C16orf46: variants seen among roughly 807,000 people sequenced by gnomAD.
The protein encoded by C16orf46 is chromosome 16 open reading frame 46.
Under a neutral mutation model 5.5 loss-of-function variants are expected in C16orf46, and 7 were observed. That is an observed-to-expected ratio of 1.28 (90% CI 0.73 to 2.40). C16orf46 has a LOEUF of 2.40. Among genes scored for constraint, C16orf46 ranks in the 30% most tolerant of loss-of-function variants. The pLI is 0.00. For synonymous variants in C16orf46, 200 were observed against 184.1 expected, an observed-to-expected ratio of 1.09 and a Z score of -0.70; for missense variants, 614 against 476.0, an observed-to-expected ratio of 1.29 and a Z score of -2.70.
At position 81,068,109 on chromosome 16, in the gene C16orf46, G is replaced by A. The variant is rs1032098894; in HGVS notation, c.-127-1828C>T. 4.6e-5 allele frequency among the ~76,000 whole-genome samples: 7 copies of A among 152,188 alleles called. No individual in the cohort carries two copies. In the South Asian group the frequency reaches 1.2e-3, roughly 27 times the overall value. On this transcript the variant is annotated intron_variant, in intron 1 of 3. Transcript: ENST00000299578. ...ATTTGGATCTGTGACACTATATTGA[G>A]ATCATGTAATTTGTTAATGAACTGA... is the stretch of plus-strand genomic sequence containing the variant.
intron 1 of C16orf46, among the ~76,000 whole-genome samples, chr16:81,073,802 G>C (rs911579840): frequency 6.6e-6 from 1 of 152,126 alleles, no homozygotes. Flanking sequence ...AAAAGACCCT[G>C]GTTTACAGTG....
chr16:81,059,841 A>G (rs187071349), downstream of C16orf46, among the ~76,000 whole-genome samples: 12 of 148,242 alleles, frequency 8.1e-5, no homozygotes, highest in East Asian at 4.0e-4. Context: ...CAGGCTGGAG[A>G]GCAGTGGCAC....
chr16:81,062,000 G>C lies in C16orf46; in HGVS notation c.349C>G (p.Pro117Ala). ...NLSHWSLQTK[P>A]PTEGGPEKDQ... Reference sequence around the variant, plus strand: ...TTCTCTGGGCCCCCCTCAGTAGGAGGCTTGGTCTGGAGGCTCCAGTGGGAG... The same window carrying C: ...TTCTCTGGGCCCCCCTCAGTAGGAGCCTTGGTCTGGAGGCTCCAGTGGGAG... Residue 117 changes from proline (P) to alanine (A), a missense_variant, in exon 4 of 4, where the codon CCT (proline) becomes GCT (alanine). Pro to Ala is a conservative substitution (Grantham distance 27). Coordinates refer to ENST00000299578, the MANE Select transcript of C16orf46 (RefSeq NM_152337.3). 2 of 1,614,110 alleles carry C rather than the reference G, an allele frequency of 1.2e-6. No individual in the cohort carries two copies. The highest frequency in any genetic ancestry group is 1.7e-6 in the Non-Finnish European group (2 of 1,180,034).
chr16:81,061,556 T>C lies in C16orf46; in HGVS notation c.793A>G (p.Arg265Gly). 2.5e-6 allele frequency: 4 copies of C among 1,614,190 alleles called. No homozygotes were observed. Among genetic ancestry groups the C allele is most frequent in the Non-Finnish European group, 3.4e-6 (4 of 1,180,026 alleles). Residue 265 changes from arginine to glycine, a missense_variant, in exon 4 of 4, where the codon AGA becomes GGA. Transcript: ENST00000299578. ...GGGTGTTTGGCCAGCTCACTGGCTCTTTTTTCACCTTTCCCATCTGCTGTT... is the reference window on the plus strand; with the variant it reads ...GGGTGTTTGGCCAGCTCACTGGCTCCTTTTTCACCTTTCCCATCTGCTGTT... ...LKTADGKGEK[R>G]ASELAKHPMV... is the part of the protein sequence containing the mutation.
intron 2 of C16orf46, among the ~76,000 whole-genome samples, chr16:81,065,215 G>C (rs1172176355): frequency 6.6e-6 from 1 of 152,174 alleles, no homozygotes; most frequent in Non-Finnish European, 1.5e-5. Flanking sequence ...GCTCACGCCT[G>C]TAATCCCAGT....
In C16orf46 at chr16:81,054,101, C is replaced by T. The variant is rs201932475; in HGVS notation, c.1144-7G>A. On this transcript the variant is annotated splice_region_variant and splice_polypyrimidine_tract_variant and intron_variant, in intron 3 of 3. Transcript: ENST00000378611. ...TTATCTTCTTTTTCCTGTGCTGTAA[C>T]GAGAAATTTAATGACTTCAGAAAAT... is the stretch of plus-strand genomic sequence containing the variant. The T allele has an allele frequency of 1.1e-4, 176 of 1,611,962 alleles. 2 individuals are homozygous for T. The South Asian group carries it at 1.2e-3, about 11-fold the overall frequency.
chr16:81,061,243 G>C lies in C16orf46; in HGVS notation c.1106C>G (p.Thr369Ser), dbSNP rs568051084. 4 of 1,614,086 alleles carry C rather than the reference G, an allele frequency of 2.5e-6. No individual in the cohort carries two copies. Among genetic ancestry groups the C allele is most frequent in the Non-Finnish European group, 2.5e-6 (3 of 1,180,028 alleles). Residue 369 changes from threonine (T) to serine (S), a missense_variant, in exon 4 of 4, where the codon ACC (threonine) becomes AGC (serine). By Grantham distance (58) the Thr-to-Ser change is moderately conservative. Transcript: ENST00000299578. ...CAAGACAGGTCTTGGGAAAACTTTG[G>C]TCTCCAGCATTTGGGGCCTGTTTTC... Reference protein sequence around the residue: ...KQENRPQMLETKVFPRPVLPS... With the variant: ...KQENRPQMLESKVFPRPVLPS...
downstream of C16orf46, among the ~76,000 whole-genome samples, chr16:81,056,766 G>C (rs1971308555): frequency 6.6e-6 from 1 of 151,506 alleles, no homozygotes; most frequent in South Asian, 2.1e-4. Context: ...GACCTAGGCA[G>C]GTGCCACCAT....
At chr16:81,064,657 G>C (rs913884831) in intron 2 of C16orf46, among the ~76,000 whole-genome samples, 2 of 151,032 alleles carry the variant, frequency 1.3e-5, no homozygotes, top group African/African-American at 4.9e-5. Flanking sequence ...TGAGGCAGGA[G>C]AATCACTTGA....
At chr16:81,063,647 C>T in intron 3 of C16orf46, 99 bp downstream of exon 3, 1 of 991,346 alleles carries the variant, frequency 1.0e-6, no homozygotes, top group Non-Finnish European at 1.5e-6. Context: ...ATTGATTCCA[C>T]ATTTTTTGGT....
At chr16:81,064,824 A>G (rs1339092847) in intron 2 of C16orf46, among the ~76,000 whole-genome samples, 1 of 152,124 alleles carries the variant, frequency 6.6e-6, no homozygotes, top group Admixed American at 6.5e-5. Flanking sequence ...AGCAGCCTGG[A>G]ACAGAGCCTC....
At chr16:81,074,877 T>C (rs1473097952) in intron 1 of C16orf46, among the ~76,000 whole-genome samples, 1 of 152,212 alleles carries the variant, frequency 6.6e-6, no homozygotes, top group Non-Finnish European at 1.5e-5. Flanking sequence ...TTGTAAAATT[T>C]CCCCTTTTGT....
downstream of C16orf46, chr16:81,057,922 CAG>C (rs1213504481): frequency 6.4e-6 from 1 of 155,570 alleles, no homozygotes; most frequent in African/African-American, 2.4e-5. Flanking sequence ...CCCAGCTACT[CAG>C]GGGGCTGAGG....
chr16:81,067,737 G>A (rs1207692084), intron 1 of C16orf46, among the ~76,000 whole-genome samples: 1 of 152,066 alleles, frequency 6.6e-6, no homozygotes, highest in African/African-American at 2.4e-5. Context: ...ATTTTTAGTA[G>A]AAACGGAGTT....
chr16:81,061,787 TC>T lies in C16orf46; in HGVS notation c.561del (p.Asn188IlefsTer16). ...IPGTNRGKAS[G>X]NPSGGAHRGL... ...CCTCTGTGGGCCCCTCCACTGGGAT[TC>T]CCAGAGGCCTTGCCCCTATTAGTGC... On this transcript the variant is annotated frameshift_variant, in exon 4 of 4. Coordinates refer to ENST00000299578, the MANE Select transcript of C16orf46 (RefSeq NM_152337.3). LOFTEE classifies it low-confidence loss of function (END_TRUNC). 1 of 1,613,950 alleles carries T rather than the reference TC, an allele frequency of 6.2e-7. No homozygotes were observed. Among genetic ancestry groups the T allele is most frequent in the African/African-American group, 1.3e-5 (1 of 75,050 alleles).
downstream of C16orf46, chr16:81,056,340 A>G (rs951254375): frequency 8.5e-5 from 13 of 152,194 alleles, no homozygotes; most frequent in Admixed American, 8.5e-4. Context: ...GAGAATGCCC[A>G]CAACTCTTCC....
chr16:81,063,130 C>A (rs1483130024), intron 3 of C16orf46, among the ~76,000 whole-genome samples: 2 of 151,448 alleles, frequency 1.3e-5, no homozygotes, highest in East Asian at 3.9e-4. Context: ...ATAATCCCAG[C>A]TACTCAGGAG....
In C16orf46 at chr16:81,062,819, T is replaced by C. The variant is rs889071635; in HGVS notation, c.211-681A>G. Among the ~76,000 whole-genome samples the C allele has an allele frequency of 3.9e-5, 6 of 152,202 alleles. No homozygotes were observed. In the East Asian group the frequency reaches 1.2e-3, roughly 29 times the overall value. Reference sequence around the variant, plus strand: ...CATACTTATACTGATAAATTAGGTATTTATCTGGTAATCCTATGTTTAATC... The same window carrying C: ...CATACTTATACTGATAAATTAGGTACTTATCTGGTAATCCTATGTTTAATC... On this transcript the variant is annotated intron_variant, in intron 3 of 3. Coordinates refer to ENST00000299578, the MANE Select transcript of C16orf46 (RefSeq NM_152337.3).
At chr16:81,059,909 C>T (rs986308506), downstream of C16orf46, among the ~76,000 whole-genome samples, 1 of 151,976 alleles carries the variant, frequency 6.6e-6, no homozygotes, top group African/African-American at 2.4e-5. Flanking sequence ...CTGCCTCAGC[C>T]TCCTGAGTAG....
Sources: gnomAD v4.1 joint callset for allele counts (sites outside exome capture counted in the v4.1 genomes callset) on GRCh38, gnomAD v4.1.1 for gene constraint, MANE v1.5 for transcripts, NCBI Gene and HGNC (gene_info 2026-07-23, HGNC 2026-07-21) for gene names.